The following FAM114A2 variants were observed in gnomAD, a reference collection of about 807,000 sequenced individuals.
FAM114A2 encodes the protein family with sequence similarity 114 member A2.
In FAM114A2, 53 loss-of-function variants were observed where a neutral mutation model predicts 58.4. The observed-to-expected ratio is 0.91, with a 90% confidence interval of 0.73 to 1.14. FAM114A2 has a LOEUF of 1.14. Ranked by LOEUF, FAM114A2 falls within the 50% of genes most tolerant of loss-of-function variation. FAM114A2 has a pLI of 0.00. For missense variants in FAM114A2, 601 were observed against 581.1 expected (o/e 1.03, Z -0.35); for synonymous variants, 228 against 211.4 (o/e 1.08, Z -0.68).
chr5:153,997,201 G>A (rs1191742917), intron 12 of FAM114A2, among the ~76,000 whole-genome samples: 1 of 152,090 alleles, frequency 6.6e-6, no homozygotes, highest in African/African-American at 2.4e-5. Flanking sequence ...AAACAGTTTG[G>A]TAATTCCTTA....
intron 11 of FAM114A2, among the ~76,000 whole-genome samples, chr5:153,999,578 G>A (rs1007005333): frequency 6.7e-6 from 1 of 148,380 alleles, no homozygotes; most frequent in African/African-American, 2.5e-5. Context: ...AGGTTGCAGT[G>A]AACGAGATTG....
chr5:154,033,784 T>C lies in FAM114A2; in HGVS notation c.403+7A>G, dbSNP rs1434710414. On this transcript the variant is annotated splice_region_variant and intron_variant, in intron 4 of 13. Transcript: ENST00000351797. Reference sequence around the variant, plus strand: ...AATTCTAGGTCTTTATGTTTCCATATACTGACCTGCTACATACTTGACTTC... The same window carrying C: ...AATTCTAGGTCTTTATGTTTCCATACACTGACCTGCTACATACTTGACTTC... 5 of 1,505,594 alleles carry C rather than the reference T, an allele frequency of 3.3e-6. No individual in the cohort carries two copies. The highest frequency in any genetic ancestry group is 1.4e-5 in the African/African-American group (1 of 72,444). 93.3% of individuals were successfully genotyped at this position (1,505,594 alleles called of 1,614,324 possible). A position where few individuals can be genotyped will look rare whatever the true frequency, so the allele number is the denominator to read the frequency against.
chr5:154,034,277 C>G lies in FAM114A2; in HGVS notation c.310+1G>C. The G allele has an allele frequency of 6.5e-7, 1 of 1,538,830 alleles. No homozygotes were observed. Among genetic ancestry groups the G allele is most frequent in the Non-Finnish European group, 8.8e-7 (1 of 1,132,546 alleles). ...AATAACTAAATGACTGATGATCTTA[C>G]CTACTGTAGCTACTGTAGCCGAGGC... On this transcript the variant is annotated splice_donor_variant, in intron 3 of 13. Transcript: ENST00000351797. LOFTEE classifies it high-confidence loss of function.
chr5:154,001,845 A>C (rs1769998268), intron 11 of FAM114A2, among the ~76,000 whole-genome samples: 1 of 152,280 alleles, frequency 6.6e-6, no homozygotes, highest in African/African-American at 2.4e-5. Flanking sequence ...AACTGGACTA[A>C]TTACTTACTT....
At chr5:153,995,018 A>T (rs1288367665) in intron 12 of FAM114A2, 46 bp from the exon 13 acceptor site, 1 of 1,241,180 alleles carries the variant, frequency 8.1e-7, no homozygotes. Flanking sequence ...AGGTTAAATA[A>T]CAGTAAGTGG....
intron 11 of FAM114A2, among the ~76,000 whole-genome samples, chr5:154,001,613 T>C (rs2113225141): frequency 6.6e-6 from 1 of 152,312 alleles, no homozygotes; most frequent in Non-Finnish European, 1.5e-5. Context: ...CAATGAAAAT[T>C]CTCATTATTT....
In FAM114A2 at chr5:154,002,955, G is replaced by C. The variant is rs772225550; in HGVS notation, c.1008C>G (p.Ala336=). Residue 336 remains alanine (A), a synonymous_variant, in exon 10 of 14, where the codon GCC becomes GCG. Transcript: ENST00000351797. The stretch of plus-strand genomic sequence containing the variant: ...TCAGAGACTTCCTGATCCATTCGTG[G>C]GCGGTATTTCTTGCCTAAATAAGAA... The part of the protein sequence containing the change: ...PEKLARARNT[A]HEWIRKSLTK... The C allele has an allele frequency of 6.2e-7, 1 of 1,613,628 alleles. No individual in the cohort carries two copies. The highest frequency in any genetic ancestry group is 1.1e-5 in the South Asian group (1 of 90,982).
At chr5:154,032,906 A>G (rs1772295584) in intron 4 of FAM114A2, among the ~76,000 whole-genome samples, 1 of 152,150 alleles carries the variant, frequency 6.6e-6, no homozygotes, top group Admixed American at 6.5e-5. Context: ...TCATTCACAC[A>G]TGCTGTTACT....
intron 13 of FAM114A2, among the ~76,000 whole-genome samples, chr5:153,993,540 T>C (rs1451926092): frequency 6.6e-6 from 1 of 152,170 alleles, no homozygotes; most frequent in Non-Finnish European, 1.5e-5. Context: ...CTCAATGCGA[T>C]CAGTGAGCAC....
intron 11 of FAM114A2, among the ~76,000 whole-genome samples, chr5:154,001,575 A>T (rs1324226653): frequency 6.6e-6 from 1 of 152,200 alleles, no homozygotes; most frequent in Non-Finnish European, 1.5e-5. Context: ...CCCAGTTCTA[A>T]TAATGGGCAC....
intron 9 of FAM114A2, among the ~76,000 whole-genome samples, chr5:154,009,449 G>C (rs1770556252): frequency 6.6e-6 from 1 of 152,190 alleles, no homozygotes; most frequent in Non-Finnish European, 1.5e-5. Context: ...AATGCTGAAA[G>C]CCAACTGGTA....
At chr5:154,018,638 T>C (rs1042413200) in intron 8 of FAM114A2, among the ~76,000 whole-genome samples, 2 of 151,956 alleles carry the variant, frequency 1.3e-5, no homozygotes. Context: ...CCCTGATGAG[T>C]ATAGATGCTA....
chr5:154,017,888 G>T (rs569749558), intron 8 of FAM114A2, among the ~76,000 whole-genome samples: 1 of 152,080 alleles, frequency 6.6e-6, no homozygotes, highest in Admixed American at 6.5e-5. Context: ...TGACAATAGC[G>T]ATACAACCTA....
At chr5:154,029,612 G>A (rs750823223) in intron 4 of FAM114A2, 32 bp from the exon 5 acceptor site, 102 of 1,260,748 alleles carry the variant, frequency 8.1e-5, no homozygotes, top group Non-Finnish European at 1.1e-4. Context: ...TAAACATGAA[G>A]GGAAGGTCCC....
At chr5:154,035,576 C>T (rs1327208749) in intron 1 of FAM114A2, among the ~76,000 whole-genome samples, 1 of 152,178 alleles carries the variant, frequency 6.6e-6, no homozygotes, top group East Asian at 1.9e-4. Flanking sequence ...TCACAATTTA[C>T]CCATTTATCC....
Position 153,990,268 on chromosome 5 carries a change from A to G in FAM114A2, c.*2708T>C, listed in dbSNP as rs1455749356. 6.6e-6 allele frequency: 1 copy of G among 152,216 alleles called. No individual in the cohort carries two copies. Among genetic ancestry groups the G allele is most frequent in the East Asian group, 1.9e-4 (1 of 5,200 alleles). 9.4% of individuals were successfully genotyped at this position (152,216 alleles called of 1,614,324 possible). ...GTCTATTTCTCAAATGGAGATATCA[A>G]TAGCAACTACCTATAAAATAGCTCT... On this transcript the variant is annotated 3_prime_UTR_variant, in exon 14 of 14. Transcript: ENST00000351797.
At chr5:154,008,674 ATGTG>A (rs375012511) in intron 9 of FAM114A2, among the ~76,000 whole-genome samples, 10 of 151,388 alleles carry the variant, frequency 6.6e-5, no homozygotes, top group African/African-American at 2.2e-4. Flanking sequence ...CTATATGTGT[ATGTG>A]TGTGTGTGTG....
intron 8 of FAM114A2, among the ~76,000 whole-genome samples, chr5:154,017,465 A>G (rs1489143119): frequency 6.7e-6 from 1 of 150,048 alleles, no homozygotes; most frequent in East Asian, 2.0e-4. Flanking sequence ...TAAATAAAAT[A>G]AAAATGAGAT....
At chr5:154,011,823 A>G in intron 8 of FAM114A2, among the ~76,000 whole-genome samples, 1 of 152,234 alleles carries the variant, frequency 6.6e-6, no homozygotes, top group Admixed American at 6.5e-5. Context: ...CAGAGAAACA[A>G]ATGTAAAAAG....
Sources: allele counts gnomAD v4.1 joint callset (sites outside exome capture counted in the v4.1 genomes callset), GRCh38; gene constraint gnomAD v4.1.1; transcripts MANE v1.5; gene names NCBI Gene and HGNC (gene_info 2026-07-23, HGNC 2026-07-21).